Variants in RANBP2 observed in about 807,000 individuals in gnomAD.
RANBP2 encodes the protein E3 SUMO-protein ligase RanBP2.
A neutral mutation model predicts 303.6 loss-of-function variants in RANBP2; 57 were observed. The ratio of observed to expected loss-of-function variants is 0.19; its 90% CI spans 0.15 to 0.23. The LOEUF is 0.23. Among genes scored for constraint, RANBP2 ranks in the 10% least tolerant of loss-of-function variants. The probability of loss-of-function intolerance (pLI) is 1.00; values close to 1 mark genes in which losing one functional copy is unlikely to be tolerated. For synonymous variants in RANBP2, 1,167 were observed against 1,301.5 expected (o/e 0.90, Z 2.23); for missense variants, 3,138 against 3,780.8 (o/e 0.83, Z 4.46).
At chr2:109,197,189 C>T in the RANBP2 span, among the ~76,000 whole-genome samples, 1 of 152,182 alleles carries the variant, frequency 6.6e-6, no homozygotes, top group African/African-American at 2.4e-5. Flanking sequence ...AGGCGGTAGT[C>T]TTGTTGCCCT....
At chr2:109,306,346 C>A in the RANBP2 span, among the ~76,000 whole-genome samples, 2 of 152,238 alleles carry the variant, frequency 1.3e-5, no homozygotes, top group Non-Finnish European at 2.9e-5. Context: ...CTGCCTCCAA[C>A]CCCTGCGCAT....
the RANBP2 span, among the ~76,000 whole-genome samples, chr2:109,001,312 C>A: frequency 6.6e-6 from 1 of 152,176 alleles, no homozygotes; most frequent in Admixed American, 6.5e-5. Flanking sequence ...AGCTATGTGG[C>A]CAATGCTGAG....
chr2:109,730,776 CTTTTTTT>C, the RANBP2 span, among the ~76,000 whole-genome samples: 516 of 79,378 alleles, frequency 6.5e-3, no homozygotes, highest in Non-Finnish European at 9.7e-3. Flanking sequence ...CTCTCTCTCT[CTTTTTTT>C]TTTTTTTTTT....
At chr2:109,371,543 G>GTGTGTCCGTATGCT in the RANBP2 span, 2 of 1,546,190 alleles carry the variant, frequency 1.3e-6, no homozygotes, top group South Asian at 2.3e-5. Context: ...TTCATTGTGT[G>GTGTGTCCGTATGCT]TGTGTCCGTA....
chr2:109,242,516 C>T, the RANBP2 span, among the ~76,000 whole-genome samples: 1 of 152,250 alleles, frequency 6.6e-6, no homozygotes, highest in Non-Finnish European at 1.5e-5. Flanking sequence ...ACTGGAGAAG[C>T]GGGAGTGAAT....
the RANBP2 span, among the ~76,000 whole-genome samples, chr2:108,803,591 C>T: frequency 6.6e-6 from 1 of 152,124 alleles, no homozygotes; most frequent in Admixed American, 6.6e-5. Context: ...AGATGTGCAC[C>T]ACTGTGCCCA....
the RANBP2 span, among the ~76,000 whole-genome samples, chr2:109,482,117 C>T: frequency 5.9e-5 from 9 of 152,218 alleles, no homozygotes; most frequent in East Asian, 3.9e-4. Context: ...GGTTCGAATG[C>T]GGCTTGTGCA....
At chr2:109,254,949 A>G in the RANBP2 span, among the ~76,000 whole-genome samples, 1 of 152,148 alleles carries the variant, frequency 6.6e-6, no homozygotes, top group East Asian at 1.9e-4. Flanking sequence ...CTCTGGAAGG[A>G]TATTGAACAC....
the RANBP2 span, among the ~76,000 whole-genome samples, chr2:109,257,054 A>C: frequency 6.6e-6 from 1 of 152,076 alleles, no homozygotes; most frequent in Admixed American, 6.5e-5. Flanking sequence ...ATGGCATTTG[A>C]ATGTCATGTA....
At chr2:109,687,664 C>G in the RANBP2 span, among the ~76,000 whole-genome samples, 60 of 152,142 alleles carry the variant, frequency 3.9e-4, no homozygotes, top group African/African-American at 1.4e-3. Context: ...TCTGTAGCGA[C>G]TCTGTACCAT....
chr2:108,873,640 A>G, the RANBP2 span: 2 of 1,343,456 alleles, frequency 1.5e-6, no homozygotes, highest in Non-Finnish European at 1.0e-6. Flanking sequence ...CCTTACTGTG[A>G]TCATTTAAAC....
At chr2:108,736,346 G>C (rs1354650220) in intron 6 of RANBP2, 97 bp downstream of exon 6, 64 of 1,600,558 alleles carry the variant, frequency 4.0e-5, no homozygotes, top group African/African-American at 2.7e-5. Flanking sequence ...ATCATTATTT[G>C]TATAATGTAC....
At chr2:108,888,824 A>G in the RANBP2 span, among the ~76,000 whole-genome samples, 1 of 148,922 alleles carries the variant, frequency 6.7e-6, no homozygotes, top group Admixed American at 6.6e-5. Flanking sequence ...GATCTTTATT[A>G]TTTCTTTTTG....
the RANBP2 span, among the ~76,000 whole-genome samples, chr2:109,430,490 G>A: frequency 7.4e-5 from 11 of 149,560 alleles, no homozygotes; most frequent in African/African-American, 2.2e-4. Flanking sequence ...TCCTCTCCCC[G>A]TCCTCTCCCA....
chr2:109,437,845 T>C, the RANBP2 span, among the ~76,000 whole-genome samples: 4 of 152,176 alleles, frequency 2.6e-5, no homozygotes, highest in Admixed American at 2.6e-4. Flanking sequence ...TAATAAGAAC[T>C]GCTGATGCTG....
At chr2:108,984,583 G>T in the RANBP2 span, among the ~76,000 whole-genome samples, 1 of 152,008 alleles carries the variant, frequency 6.6e-6, no homozygotes. Context: ...GGGTGTCCTG[G>T]TTCACTCCCT....
the RANBP2 span, among the ~76,000 whole-genome samples, chr2:109,681,863 AC>A: frequency 6.6e-6 from 1 of 152,054 alleles, no homozygotes; most frequent in Non-Finnish European, 1.5e-5. Flanking sequence ...CGGAGACCAA[AC>A]TCCCTGTGGG....
chr2:108,882,597 T>A, the RANBP2 span: 1 of 152,304 alleles, frequency 6.6e-6, no homozygotes, highest in African/African-American at 2.4e-5. Context: ...ACTTGCTGTG[T>A]TATTGCAGGT....
At chr2:108,852,770 G>A in the RANBP2 span, among the ~76,000 whole-genome samples, 3 of 152,108 alleles carry the variant, frequency 2.0e-5, no homozygotes, top group East Asian at 5.8e-4. Flanking sequence ...GGAGGGACAG[G>A]ATCAGGAAAA....
Sources: allele counts gnomAD v4.1 joint callset (sites outside exome capture counted in the v4.1 genomes callset), GRCh38; gene constraint gnomAD v4.1.1; transcripts MANE v1.5; gene names NCBI Gene and HGNC (gene_info 2026-07-23, HGNC 2026-07-21).